TNRC6A: variants seen among roughly 807,000 people sequenced by gnomAD.
TNRC6A encodes the protein trinucleotide repeat-containing gene 6A protein.
A neutral mutation model predicts 221.2 loss-of-function variants in TNRC6A; 44 were observed. The ratio of observed to expected loss-of-function variants is 0.20; its 90% CI spans 0.16 to 0.26. TNRC6A has a LOEUF of 0.26. Among genes scored for constraint, TNRC6A ranks in the 10% least tolerant of loss-of-function variants. The pLI is 1.00. For missense variants in TNRC6A, 2,199 were observed against 2,404.4 expected (o/e 0.91, Z 1.79); for synonymous variants, 847 against 838.5 (o/e 1.01, Z -0.18).
rs1033038633 is a variant in TNRC6A, at chr16:24,793,462, A to T, written c.3176-11A>T. 2 of 1,398,162 alleles carry T rather than the reference A, an allele frequency of 1.4e-6. No homozygotes were observed. Among genetic ancestry groups the T allele is most frequent in the African/African-American group, 2.9e-5 (2 of 68,306 alleles). The allele number at this position is 1,398,162 out of a possible 1,614,324, so 86.6% of individuals were successfully genotyped here. A position where few individuals can be genotyped will look rare whatever the true frequency, so the allele number is the denominator to read the frequency against. ...CTATGCTGATGACTTCTTTTCCCACACTTTCTAAAGGCTGGGGTGAGCCCT... is the reference window on the plus strand; with the variant it reads ...CTATGCTGATGACTTCTTTTCCCACTCTTTCTAAAGGCTGGGGTGAGCCCT... On this transcript the variant is annotated splice_polypyrimidine_tract_variant and intron_variant, in intron 6 of 24. Transcript: ENST00000395799.
chr16:24,702,510 C>T lies in TNRC6A; in HGVS notation n.403-48216C>T, dbSNP rs541468438. Among the ~76,000 whole-genome samples the T allele has an allele frequency of 2.6e-5, 4 of 152,220 alleles. No homozygotes were observed. The East Asian group carries it at 7.7e-4, about 29-fold the overall frequency. On this transcript the variant is annotated intron_variant and non_coding_transcript_variant, in intron 2 of 2. Coordinates refer to the TNRC6A transcript ENST00000566108. Reference sequence around the variant, plus strand: ...ATCTTCAAACCTTATCATAGTATACCACTGCTATTTAAGCTATTGCAGATT... The same window carrying T: ...ATCTTCAAACCTTATCATAGTATACTACTGCTATTTAAGCTATTGCAGATT...
chr16:24,716,813 A>G (rs111782170), intron 2 of TNRC6A, among the ~76,000 whole-genome samples: 15,402 of 150,696 alleles, frequency 0.1, 1,804 homozygotes, highest in East Asian at 0.36. Flanking sequence ...CCAAAAATTA[A>G]CTGGGCATGG....
intron 5 of TNRC6A, among the ~76,000 whole-genome samples, chr16:24,785,033 A>G (rs982348622): frequency 6.6e-6 from 1 of 152,224 alleles, no homozygotes; most frequent in Non-Finnish European, 1.5e-5. Flanking sequence ...TCTCATTTTA[A>G]AAAGTTTTCA....
intron 2 of TNRC6A, among the ~76,000 whole-genome samples, chr16:24,747,954 A>G (rs1199225845): frequency 2.0e-5 from 3 of 152,228 alleles, no homozygotes; most frequent in African/African-American, 7.2e-5. Context: ...AGAAAAGGAC[A>G]TGTCTGTAAT....
At chr16:24,811,129 A>G (rs992157179) in intron 18 of TNRC6A, among the ~76,000 whole-genome samples, 2 of 152,200 alleles carry the variant, frequency 1.3e-5, no homozygotes, top group Non-Finnish European at 2.9e-5. Flanking sequence ...AGAGTAGTCC[A>G]TGGGCTTGGA....
chr16:24,764,330 C>CTTTTT (rs938169376), intron 4 of TNRC6A, among the ~76,000 whole-genome samples: 1 of 142,036 alleles, frequency 7.0e-6, no homozygotes, highest in Admixed American at 7.1e-5. Flanking sequence ...CTTTTCTTTT[C>CTTTTT]TTTTTTTTTT....
At chr16:24,626,510 A>G (rs191927097) in intron 1 of TNRC6A, among the ~76,000 whole-genome samples, 1 of 152,224 alleles carries the variant, frequency 6.6e-6, no homozygotes, top group Admixed American at 6.6e-5. Context: ...AAGCCATAGC[A>G]TACTTTCAAG....
intron 5 of TNRC6A, among the ~76,000 whole-genome samples, chr16:24,780,082 G>A (rs191411311): frequency 2.0e-5 from 3 of 152,252 alleles, no homozygotes; most frequent in African/African-American, 7.2e-5. Flanking sequence ...GCTTTGGGGG[G>A]ATGACTAGGC....
intron 11 of TNRC6A, among the ~76,000 whole-genome samples, chr16:24,798,624 T>C (rs1397576719): frequency 6.6e-6 from 1 of 151,954 alleles, no homozygotes; most frequent in East Asian, 1.9e-4. Flanking sequence ...ATTTCAAAGC[T>C]CCAAACCAAG....
At chr16:24,613,887 A>G (rs1466865973) in intron 1 of TNRC6A, among the ~76,000 whole-genome samples, 1 of 152,292 alleles carries the variant, frequency 6.6e-6, no homozygotes, top group South Asian at 2.1e-4. Context: ...GCAATACGAA[A>G]AAATGAACAC....
Position 24,718,776 on chromosome 16 carries a change from C to A in TNRC6A, n.403-31950C>A, listed in dbSNP as rs544901519. Among the ~76,000 whole-genome samples, 8 of 152,188 alleles carry A rather than the reference C, an allele frequency of 5.3e-5. No homozygotes were observed. In the East Asian group the frequency reaches 1.5e-3, roughly 29 times the overall value. ...AGCAGGCTGGGTGCAGTAGCTCACA[C>A]CTGTAATCCCAGCACTTTGGGAGGC... is the stretch of plus-strand genomic sequence containing the variant. On this transcript the variant is annotated intron_variant and non_coding_transcript_variant, in intron 2 of 2. Transcript: ENST00000566108.
chr16:24,668,616 A>G (rs2055225406), intron 2 of TNRC6A, among the ~76,000 whole-genome samples: 1 of 152,100 alleles, frequency 6.6e-6, no homozygotes, highest in African/African-American at 2.4e-5. Context: ...CACCGGAACA[A>G]TTAGACTCAG....
At chr16:24,666,160 CT>C (rs1371374297) in intron 2 of TNRC6A, among the ~76,000 whole-genome samples, 2 of 152,052 alleles carry the variant, frequency 1.3e-5, no homozygotes, top group East Asian at 3.9e-4. Context: ...GACCCCATCT[CT>C]ACAAAATTTT....
rs35502747 is a variant in TNRC6A at position 24,781,043 on chromosome 16, CTTTTTTTTT to C, written c.589+3702_589+3710del. 2.1e-4 allele frequency among the ~76,000 whole-genome samples: 11 copies of C among 53,426 alleles called. No individual in the cohort carries two copies. In the East Asian group the frequency reaches 2.1e-3, roughly 10 times the overall value. The allele number at this position is 53,426 out of a possible 152,430, so 35.0% of individuals were successfully genotyped here. On this transcript the variant is annotated intron_variant, in intron 5 of 24. Coordinates refer to ENST00000395799, the MANE Select transcript of TNRC6A (RefSeq NM_014494.4). ...AAAAATTTTCTTAAGCCTCCATACTCTTTTTTTTTTTTTTTTTTTTTTTTTGGAGGAGAC... is the reference window on the plus strand; with the variant it reads ...AAAAATTTTCTTAAGCCTCCATACTCTTTTTTTTTTTTTTTTGGAGGAGAC...
intron 5 of TNRC6A, 142 bp downstream of exon 5, chr16:24,777,500 T>G: frequency 1.4e-6 from 1 of 737,350 alleles, no homozygotes; most frequent in Admixed American, 2.9e-5. Context: ...TAGGGAGTTA[T>G]GAATGGGGAA....
At chr16:24,804,092 AGT>A (rs1391707884) in intron 11 of TNRC6A, 83 bp from the exon 12 acceptor site, 1 of 1,391,544 alleles carries the variant, frequency 7.2e-7, no homozygotes, top group Non-Finnish European at 9.6e-7. Flanking sequence ...CAGTTTGGAA[AGT>A]GAGTGTTTTG....
intron 1 of TNRC6A, among the ~76,000 whole-genome samples, chr16:24,612,060 C>A (rs773914941): frequency 6.6e-6 from 1 of 152,288 alleles, no homozygotes; most frequent in East Asian, 1.9e-4. Flanking sequence ...TGCCACTTAA[C>A]TCCAGCCTGG....
chr16:24,705,231 C>T (rs1403517851), intron 2 of TNRC6A, among the ~76,000 whole-genome samples: 5 of 152,092 alleles, frequency 3.3e-5, no homozygotes, highest in Non-Finnish European at 7.4e-5. Context: ...GCCCAGATCA[C>T]ACAGTTAATG....
chr16:24,792,512 A>G (rs1176038968), intron 6 of TNRC6A, among the ~76,000 whole-genome samples: 2 of 147,778 alleles, frequency 1.4e-5, no homozygotes, highest in East Asian at 4.1e-4. Flanking sequence ...TAGTCTAAGT[A>G]TAGTTTGTTG....
Sources: allele counts gnomAD v4.1 joint callset (sites outside exome capture counted in the v4.1 genomes callset), GRCh38; gene constraint gnomAD v4.1.1; transcripts MANE v1.5; gene names NCBI Gene and HGNC (gene_info 2026-07-23, HGNC 2026-07-21).